RIMBP2: variants seen among roughly 807,000 people sequenced by gnomAD.
RIMBP2 encodes RIMS binding protein 2, also known as RIMS-binding protein 2.
Under a neutral mutation model 118.6 loss-of-function variants are expected in RIMBP2, and 48 were observed. The ratio of observed to expected loss-of-function variants is 0.40; its 90% CI spans 0.32 to 0.51. The LOEUF is 0.51. Ranked by LOEUF, RIMBP2 falls within the 20% of genes least tolerant of loss-of-function variation. RIMBP2 has a pLI of 0.41. For synonymous variants in RIMBP2, 762 were observed against 742.9 expected (o/e 1.03, Z -0.42); for missense variants, 1,551 against 1,768.3 (o/e 0.88, Z 2.20).
At chr12:130,486,697 A>C in intron 4 of RIMBP2, among the ~76,000 whole-genome samples, 1 of 143,214 alleles carries the variant, frequency 7.0e-6, no homozygotes. Flanking sequence ...CTTGTTCAAC[A>C]TCCAGATCTT....
intron 18 of RIMBP2, among the ~76,000 whole-genome samples, chr12:130,413,596 G>A (rs2075888078): frequency 7.8e-6 from 1 of 128,958 alleles, no homozygotes; most frequent in South Asian, 2.7e-4. Flanking sequence ...TGGTGCCACT[G>A]TACTCCAGCC....
chr12:130,408,335 C>T (rs2075375868), intron 19 of RIMBP2, among the ~76,000 whole-genome samples: 2 of 152,214 alleles, frequency 1.3e-5, no homozygotes, highest in Admixed American at 1.3e-4. Context: ...AGGAGAAGCA[C>T]GAACATAAAC....
rs904125031 is a variant in RIMBP2, at chr12:130,525,882, A to C, written c.-216-7965T>G. 6.6e-6 allele frequency among the ~76,000 whole-genome samples: 1 copy of C among 152,102 alleles called. No individual in the cohort carries two copies. The highest frequency in any genetic ancestry group is 2.4e-5 in the African/African-American group (1 of 41,422). On this transcript the variant is annotated intron_variant, in intron 2 of 22. Transcript: ENST00000690449. The surrounding 1 kb of genome is among the most constrained non-coding windows in gnomAD (Gnocchi z 4.4). ...TGCTATCCTGCTTGTCAAGGGAAGA[A>C]ATTCAAGCTCAAGGAGGTTAAGTAA...
In RIMBP2 at chr12:130,530,471, T is replaced by G. The variant is rs902115362; in HGVS notation, c.-216-12554A>C. ...AAAAATATTTATACAATAAGGCAGCTAAGAATAACAATTTTTAAAAGAAAA... is the reference window on the plus strand; with the variant it reads ...AAAAATATTTATACAATAAGGCAGCGAAGAATAACAATTTTTAAAAGAAAA... On this transcript the variant is annotated intron_variant, in intron 2 of 22. Transcript: ENST00000690449. Among the ~76,000 whole-genome samples, 4 of 149,642 alleles carry G rather than the reference T, an allele frequency of 2.7e-5. No individual in the cohort carries two copies. The East Asian group carries it at 8.0e-4, about 30-fold the overall frequency.
At chr12:130,531,694 C>G (rs1378919009) in intron 2 of RIMBP2, among the ~76,000 whole-genome samples, 1 of 152,236 alleles carries the variant, frequency 6.6e-6, no homozygotes, top group Non-Finnish European at 1.5e-5. Context: ...AGGAATAGAA[C>G]AGTGGTGCCT....
intron 6 of RIMBP2, 102 bp downstream of exon 6, chr12:130,470,591 A>C: frequency 3.6e-6 from 2 of 562,360 alleles, no homozygotes; most frequent in Non-Finnish European, 5.3e-6. Flanking sequence ...CTGGTGCACC[A>C]GGCGCACTTC....
chr12:130,592,562 G>A (rs1018986026), intron 2 of RIMBP2, among the ~76,000 whole-genome samples: 2 of 151,902 alleles, frequency 1.3e-5, no homozygotes, highest in African/African-American at 4.8e-5. Context: ...AGTGGCAGGC[G>A]CCTGTAATCC....
At chr12:130,631,305 A>C (rs1202952061) in intron 1 of RIMBP2, among the ~76,000 whole-genome samples, 1 of 152,238 alleles carries the variant, frequency 6.6e-6, no homozygotes, top group Non-Finnish European at 1.5e-5. Context: ...TATACACACA[A>C]TAACAACGTA....
chr12:130,572,810 C>T (rs757765607), intron 2 of RIMBP2, among the ~76,000 whole-genome samples: 1 of 152,096 alleles, frequency 6.6e-6, no homozygotes, highest in Non-Finnish European at 1.5e-5. Flanking sequence ...CCTGTATGCA[C>T]TGTCACCACG....
At chr12:130,555,297 A>AAAC (rs1555290126) in intron 2 of RIMBP2, among the ~76,000 whole-genome samples, 17 of 152,178 alleles carry the variant, frequency 1.1e-4, no homozygotes, top group Non-Finnish European at 1.8e-4. Flanking sequence ...TAAATTTAAA[A>AAAC]AATAATAATA....
chr12:130,454,051 T>TGCAAAAAACAAAAC (rs1439568587), intron 7 of RIMBP2, among the ~76,000 whole-genome samples: 4 of 151,532 alleles, frequency 2.6e-5, no homozygotes, highest in South Asian at 4.2e-4. Context: ...GAGACTCCAA[T>TGCAAAAAACAAAAC]GCAAAAAACA....
chr12:130,533,106 C>T (rs567915766), intron 2 of RIMBP2, among the ~76,000 whole-genome samples: 19 of 150,212 alleles, frequency 1.3e-4, no homozygotes, highest in Non-Finnish European at 2.1e-4. Flanking sequence ...TAATGAGATG[C>T]GTGTGTTTAG....
chr12:130,595,907 T>C (rs953168602), intron 2 of RIMBP2, among the ~76,000 whole-genome samples: 1 of 152,210 alleles, frequency 6.6e-6, no homozygotes, highest in Non-Finnish European at 1.5e-5. Context: ...AGTGTGGATA[T>C]TGTTGGCATT....
Position 130,407,731 on chromosome 12 carries a change from C to T in RIMBP2, c.3688G>A (p.Val1230Ile). ...GTGCAGTGTTTGGCTGGTACCTCGA[C>T]ATCGACGTTGGGCGAGCTTTCTCTG... ...DPRESSPNVD[V>I]EAELTFCTGD... The change falls in exon 20 of 23, where the codon GTC becomes ATC. Residue 1230 changes from valine to isoleucine, a missense_variant. Coordinates refer to ENST00000690449, the MANE Select transcript of RIMBP2 (RefSeq NM_001393629.1). The T allele has an allele frequency of 5.0e-6, 8 of 1,613,420 alleles. No individual in the cohort carries two copies. The highest frequency in any genetic ancestry group is 6.8e-6 in the Non-Finnish European group (8 of 1,179,412).
intron 1 of RIMBP2, among the ~76,000 whole-genome samples, chr12:130,701,054 C>T (rs1000788370): frequency 7.2e-5 from 11 of 152,248 alleles, no homozygotes; most frequent in African/African-American, 2.4e-4. Context: ...CTCTAGAACA[C>T]AGGTAAACAC....
intron 3 of RIMBP2, among the ~76,000 whole-genome samples, chr12:130,517,562 C>T (rs1258754387): frequency 6.6e-6 from 1 of 151,970 alleles, no homozygotes; most frequent in East Asian, 1.9e-4. Context: ...GAGTGGGCAC[C>T]AATGGGTTTG....
chr12:130,556,894 C>T (rs1473364748), intron 2 of RIMBP2, among the ~76,000 whole-genome samples: 1 of 152,094 alleles, frequency 6.6e-6, no homozygotes, highest in Non-Finnish European at 1.5e-5. Flanking sequence ...ACCCTTAGGG[C>T]GTAGGTGCAG....
intron 4 of RIMBP2, among the ~76,000 whole-genome samples, chr12:130,495,349 G>A (rs966140432): frequency 5.3e-5 from 8 of 152,152 alleles, no homozygotes; most frequent in Non-Finnish European, 1.0e-4. Flanking sequence ...AGTGCTGCCC[G>A]TTGTCTCCTC....
chr12:130,516,408 C>G (rs1446857389), intron 3 of RIMBP2, among the ~76,000 whole-genome samples: 3 of 152,358 alleles, frequency 2.0e-5, no homozygotes, highest in Admixed American at 6.5e-5. Context: ...AACAGCAAAG[C>G]TCTCTGCAAT....
Sources: gnomAD v4.1 joint callset for allele counts (sites outside exome capture counted in the v4.1 genomes callset) on GRCh38, gnomAD v4.1.1 for gene constraint, Gnocchi (gnomAD v3.1) non-coding constraint, MANE v1.5 for transcripts, NCBI Gene and HGNC (gene_info 2026-07-23, HGNC 2026-07-21) for gene names.